The following RNF220 variants were observed in gnomAD, a reference collection of about 807,000 sequenced individuals.
RNF220 encodes E3 ubiquitin-protein ligase RNF220.
RNF220 carries 7 observed loss-of-function variants against 67.1 expected under a neutral mutation model. The ratio of observed to expected loss-of-function variants is 0.10; its 90% CI spans 0.06 to 0.20. The LOEUF (loss-of-function observed/expected upper bound fraction) is 0.20. Among genes scored for constraint, RNF220 ranks in the 10% least tolerant of loss-of-function variants. The pLI is 1.00. For synonymous variants in RNF220, 270 were observed against 283.2 expected (o/e 0.95, Z 0.47); for missense variants, 565 against 740.3 (o/e 0.76, Z 2.75).
chr1:44,622,184 C>T lies in RNF220; in HGVS notation c.759-558C>T, dbSNP rs1329640924. On this transcript the variant is annotated intron_variant, in intron 3 of 14. Transcript: ENST00000361799. This position sits in a 1 kb window ranked among gnomAD's most constrained non-coding sequence, Gnocchi z 4.3. ...ATCCATCACCTCCCACCCCAGCCCCCGCCTGCTCTGAGCCGCCCACCATAT... is the reference window on the plus strand; with the variant it reads ...ATCCATCACCTCCCACCCCAGCCCCTGCCTGCTCTGAGCCGCCCACCATAT... Among the ~76,000 whole-genome samples the T allele has an allele frequency of 6.6e-6, 1 of 152,212 alleles. No homozygotes were observed. The highest frequency in any genetic ancestry group is 1.5e-5 in the Non-Finnish European group (1 of 68,032).
intron 2 of RNF220, among the ~76,000 whole-genome samples, chr1:44,445,071 T>A (rs769179360): frequency 7.2e-5 from 11 of 152,222 alleles, no homozygotes; most frequent in Non-Finnish European, 1.3e-4. Context: ...TTTCTGGATA[T>A]ATAAATTTAG....
chr1:44,636,313 C>A, intron 8 of RNF220, 151 bp downstream of exon 8: 1 of 957,572 alleles, frequency 1.0e-6, no homozygotes. Flanking sequence ...CCTTTGTGAC[C>A]GTGCTGCCTG....
chr1:44,638,876 C>T (rs886802384), intron 8 of RNF220, among the ~76,000 whole-genome samples: 5 of 152,192 alleles, frequency 3.3e-5, no homozygotes, highest in Non-Finnish European at 7.3e-5. Flanking sequence ...GGTATTACTT[C>T]AAGAAAGTAA....
At chr1:44,503,861 GT>G (rs796100266) in intron 2 of RNF220, among the ~76,000 whole-genome samples, 9 of 147,456 alleles carry the variant, frequency 6.1e-5, no homozygotes, top group South Asian at 2.2e-4. Context: ...GTTGTTTTTT[GT>G]TTTTTTTTTA....
rs140001823 is a variant in RNF220, at chr1:44,460,657, T to G, written c.625+47935T>G. ...TCAGCTGCACTAACCACTTCTTACT[T>G]CAGGATCCTCTTTTAGCTTCCCCAG... On this transcript the variant is annotated intron_variant, in intron 2 of 14. Coordinates refer to ENST00000361799, the MANE Select transcript of RNF220 (RefSeq NM_018150.4). Among the ~76,000 whole-genome samples, 167 of 152,332 alleles carry G rather than the reference T, an allele frequency of 1.1e-3. 1 individual carries two copies. Among genetic ancestry groups the G allele is most frequent in the African/African-American group, 3.8e-3 (158 of 41,568 alleles).
chr1:44,428,242 T>C (rs1649998608), intron 2 of RNF220, among the ~76,000 whole-genome samples: 1 of 152,180 alleles, frequency 6.6e-6, no homozygotes, highest in Admixed American at 6.5e-5. Flanking sequence ...AGTAAAGGGC[T>C]TGACGAATCC....
chr1:44,617,612 C>G (rs1161451426), intron 3 of RNF220, among the ~76,000 whole-genome samples: 1 of 152,220 alleles, frequency 6.6e-6, no homozygotes, highest in Non-Finnish European at 1.5e-5. Flanking sequence ...TGCCCGCTCT[C>G]GGGAAGCCAA....
At chr1:44,636,501 TC>T (rs1039090109) in intron 8 of RNF220, 2 of 715,502 alleles carry the variant, frequency 2.8e-6, no homozygotes, top group African/African-American at 3.5e-5. Flanking sequence ...TATCACTCCA[TC>T]CCTCTTAAGG....
intron 2 of RNF220, among the ~76,000 whole-genome samples, chr1:44,549,456 A>C (rs1265050845): frequency 3.3e-5 from 5 of 152,190 alleles, no homozygotes; most frequent in African/African-American, 1.2e-4. Flanking sequence ...CAAGAGTGAT[A>C]GTCTCTTGCT....
chr1:44,525,519 C>T (rs748173605), intron 2 of RNF220, among the ~76,000 whole-genome samples: 6 of 152,200 alleles, frequency 3.9e-5, no homozygotes, highest in Non-Finnish European at 7.3e-5. Context: ...CTGTTTACCC[C>T]CCTACTACTG....
chr1:44,420,161 G>A lies in RNF220; in HGVS notation c.625+7439G>A, dbSNP rs999866671. On this transcript the variant is annotated intron_variant, in intron 2 of 14. Coordinates refer to ENST00000361799, the MANE Select transcript of RNF220 (RefSeq NM_018150.4). Reference sequence around the variant, plus strand: ...TGGTTTAAGATGACCTAGAAGAAATGAAAGTTGTGTTTTTGCTGGGGAGAC... The same window carrying A: ...TGGTTTAAGATGACCTAGAAGAAATAAAAGTTGTGTTTTTGCTGGGGAGAC... 4.6e-5 allele frequency among the ~76,000 whole-genome samples: 7 copies of A among 152,242 alleles called. No individual in the cohort carries two copies. In the South Asian group the frequency reaches 1.4e-3, roughly 32 times the overall value.
In RNF220 at chr1:44,636,075, C is replaced by T; in HGVS notation, c.1039C>T (p.His347Tyr). 6.2e-7 allele frequency: 1 copy of T among 1,614,216 alleles called. No homozygotes were observed. Among genetic ancestry groups the T allele is most frequent in the Non-Finnish European group, 8.5e-7 (1 of 1,180,048 alleles). ...MAEDDAVDIE[H>Y]ENNNRFEEYE... ...TGAGGATGATGCTGTGGACATCGAG[C>T]ATGAGAACAACAACCGCTTTGAGGA... Residue 347 changes from histidine (H) to tyrosine (Y), a missense_variant, in exon 8 of 15, where the codon CAT becomes TAT. By Grantham distance (83) the His-to-Tyr change is moderately conservative. Transcript: ENST00000361799.
chr1:44,415,190 A>T (rs1040065683), intron 2 of RNF220, among the ~76,000 whole-genome samples: 2 of 151,670 alleles, frequency 1.3e-5, no homozygotes, highest in African/African-American at 4.9e-5. Context: ...TCATATGCCG[A>T]CGTGTGTCGG....
At chr1:44,536,343 A>G (rs528322539) in intron 2 of RNF220, among the ~76,000 whole-genome samples, 1 of 152,380 alleles carries the variant, frequency 6.6e-6, no homozygotes, top group South Asian at 2.1e-4. Context: ...TTTAGGAATA[A>G]GGCAGTGGGG....
chr1:44,516,216 C>A (rs545930892), intron 2 of RNF220, among the ~76,000 whole-genome samples: 2 of 152,292 alleles, frequency 1.3e-5, no homozygotes, highest in East Asian at 3.9e-4. Context: ...AAAAACAGTT[C>A]TCCTTTAAAG....
At chr1:44,536,970 C>CCTCCGTCCCCCTT (rs1661275097) in intron 2 of RNF220, among the ~76,000 whole-genome samples, 1 of 150,896 alleles carries the variant, frequency 6.6e-6, no homozygotes, top group African/African-American at 2.4e-5. Context: ...CTCCCCCACC[C>CCTCCGTCCCCCTT]TCCCTCCCTA....
At chr1:44,423,949 C>T (rs939128045) in intron 2 of RNF220, 2 of 985,294 alleles carry the variant, frequency 2.0e-6, no homozygotes, top group Non-Finnish European at 2.4e-6. Flanking sequence ...CAGTTCCTTC[C>T]AGGCGGGGCC....
intron 2 of RNF220, among the ~76,000 whole-genome samples, chr1:44,424,214 A>AAG (rs369657298): frequency 1.3e-5 from 2 of 152,024 alleles, no homozygotes; most frequent in East Asian, 1.9e-4. Flanking sequence ...CTAGGATTTC[A>AAG]AGAGAGAGAG....
rs1216841629 is a variant in RNF220, at chr1:44,542,563, CA to C, written c.626-71601del. 7.2e-5 allele frequency among the ~76,000 whole-genome samples: 11 copies of C among 152,292 alleles called. No homozygotes were observed. In the South Asian group the frequency reaches 1.7e-3, roughly 23 times the overall value. On this transcript the variant is annotated intron_variant, in intron 2 of 14. Coordinates refer to ENST00000361799, the MANE Select transcript of RNF220 (RefSeq NM_018150.4). Reference sequence around the variant, plus strand: ...GTGTTTTCCCTCCACAGCGTGTCCCCAGGGGGGAGCTAGGGTTCCAGGAAGA... The same window carrying C: ...GTGTTTTCCCTCCACAGCGTGTCCCCGGGGGGAGCTAGGGTTCCAGGAAGA...
Sources: gnomAD v4.1 joint callset for allele counts (sites outside exome capture counted in the v4.1 genomes callset) on GRCh38, gnomAD v4.1.1 for gene constraint, Gnocchi (gnomAD v3.1) non-coding constraint, MANE v1.5 for transcripts, NCBI Gene and HGNC (gene_info 2026-07-23, HGNC 2026-07-21) for gene names.